DLGAP1: variants seen among roughly 807,000 people sequenced by gnomAD.
DLGAP1 encodes the protein DLG associated protein 1.
Under a neutral mutation model 90.8 loss-of-function variants are expected in DLGAP1, and 11 were observed. The observed-to-expected ratio is 0.12, with a 90% CI of 0.08 to 0.20. DLGAP1 has a LOEUF of 0.20. Among genes scored for constraint, DLGAP1 ranks in the 10% least tolerant of loss-of-function variants. The pLI is 1.00. For synonymous variants in DLGAP1, 558 were observed against 540.7 expected (o/e 1.03, Z -0.44); for missense variants, 1,050 against 1,333.8 (o/e 0.79, Z 3.31).
intron 1 of DLGAP1, among the ~76,000 whole-genome samples, chr18:4,259,958 T>C (rs192808842): frequency 1.3e-5 from 2 of 152,286 alleles, no homozygotes; most frequent in African/African-American, 4.8e-5. Flanking sequence ...TTCTAGTCTA[T>C]AATATGGACC....
At chr18:4,336,121 C>T (rs28688491) in intron 1 of DLGAP1, among the ~76,000 whole-genome samples, 34,634 of 152,150 alleles carry the variant, frequency 0.23, 4,172 homozygotes, top group Middle Eastern at 0.34. Context: ...GTGCACGTGC[C>T]GACAATGCCC....
chr18:4,311,800 C>T (rs1040830867), intron 1 of DLGAP1, among the ~76,000 whole-genome samples: 3 of 152,146 alleles, frequency 2.0e-5, no homozygotes, highest in African/African-American at 7.2e-5. Flanking sequence ...ACTGCAACCT[C>T]CACCTCCCGG....
chr18:3,939,617 G>C (rs1170957045), intron 3 of DLGAP1, among the ~76,000 whole-genome samples: 1 of 152,098 alleles, frequency 6.6e-6, no homozygotes, highest in Non-Finnish European at 1.5e-5. Context: ...ATCTTACAGG[G>C]ATACATATCT....
At chr18:3,673,289 C>A (rs1221196392) in intron 7 of DLGAP1, among the ~76,000 whole-genome samples, 1 of 152,154 alleles carries the variant, frequency 6.6e-6, no homozygotes, top group Non-Finnish European at 1.5e-5. Flanking sequence ...CTACTGCATT[C>A]TTTTAACACT....
chr18:4,073,447 C>T lies in DLGAP1; in HGVS notation c.-158-68246G>A, dbSNP rs191510462. Among the ~76,000 whole-genome samples the T allele has an allele frequency of 1.7e-3, 252 of 152,224 alleles. 1 individual carries two copies. The highest frequency in any genetic ancestry group is 2.6e-3 in the Non-Finnish European group (179 of 68,014). On this transcript the variant is annotated intron_variant, in intron 2 of 12. Transcript: ENST00000315677. ...CAACAGCACGTTCTTCCAGAGAGTA[C>T]ATGAATTCATTTTAATCTTCTGGCT...
chr18:3,960,791 G>T (rs1050591933), intron 3 of DLGAP1, among the ~76,000 whole-genome samples: 1 of 152,212 alleles, frequency 6.6e-6, no homozygotes, highest in Non-Finnish European at 1.5e-5. Flanking sequence ...CTGCTCCCCA[G>T]CCAGGCCCCC....
At chr18:4,341,970 T>C (rs2081199342) in intron 1 of DLGAP1, among the ~76,000 whole-genome samples, 1 of 152,052 alleles carries the variant, frequency 6.6e-6, no homozygotes, top group Admixed American at 6.6e-5. Context: ...AGCAAATTAC[T>C]GAATTCCTTG....
At chr18:4,449,004 C>A (rs1567932997) in intron 1 of DLGAP1, among the ~76,000 whole-genome samples, 1 of 152,186 alleles carries the variant, frequency 6.6e-6, no homozygotes. Flanking sequence ...CACATAGGGG[C>A]CACTGTCTCT....
intron 4 of DLGAP1, among the ~76,000 whole-genome samples, chr18:3,842,705 A>G (rs1340135435): frequency 6.6e-6 from 1 of 152,118 alleles, no homozygotes; most frequent in Non-Finnish European, 1.5e-5. Context: ...AGCGTTAAAA[A>G]AAAGCATAGA....
intron 7 of DLGAP1, among the ~76,000 whole-genome samples, chr18:3,632,429 G>A (rs996624374): frequency 6.6e-6 from 1 of 151,974 alleles, no homozygotes; most frequent in African/African-American, 2.4e-5. Flanking sequence ...AACCTCCGAA[G>A]TAGCTGGGAT....
intron 7 of DLGAP1, among the ~76,000 whole-genome samples, chr18:3,629,755 C>G (rs901702533): frequency 1.3e-5 from 2 of 151,992 alleles, no homozygotes; most frequent in South Asian, 2.1e-4. Flanking sequence ...GTATTGGTAT[C>G]TCACTGTGGA....
At chr18:3,649,979 A>G (rs1372604301) in intron 7 of DLGAP1, among the ~76,000 whole-genome samples, 2 of 152,026 alleles carry the variant, frequency 1.3e-5, no homozygotes, top group Non-Finnish European at 2.9e-5. Flanking sequence ...CCATTTCAGG[A>G]GGGTCCTCGT....
At chr18:4,395,564 A>G (rs962693649) in intron 1 of DLGAP1, among the ~76,000 whole-genome samples, 3 of 152,204 alleles carry the variant, frequency 2.0e-5, no homozygotes, top group Non-Finnish European at 4.4e-5. Context: ...TTCTCTGTAA[A>G]GATTCATTAA....
chr18:3,807,344 T>C (rs954866739), intron 5 of DLGAP1, among the ~76,000 whole-genome samples: 3 of 152,208 alleles, frequency 2.0e-5, no homozygotes, highest in African/African-American at 7.2e-5. Context: ...TAAGTTCAAC[T>C]TTCCGTCCAG....
At chr18:3,591,729 G>A (rs559356832) in intron 7 of DLGAP1, among the ~76,000 whole-genome samples, 1 of 152,114 alleles carries the variant, frequency 6.6e-6, no homozygotes, top group South Asian at 2.1e-4. Context: ...ATAAAAAGAC[G>A]GGGTGTTTCA....
intron 7 of DLGAP1, among the ~76,000 whole-genome samples, chr18:3,697,092 CTTT>C (rs1439701736): frequency 2.6e-5 from 4 of 152,038 alleles, no homozygotes; most frequent in Non-Finnish European, 4.4e-5. Flanking sequence ...TGTCTTTCTT[CTTT>C]ATTAGTCTGG....
chr18:4,432,589 A>ATT (rs2083308891), intron 1 of DLGAP1, among the ~76,000 whole-genome samples: 1 of 111,394 alleles, frequency 9.0e-6, no homozygotes, highest in Non-Finnish European at 2.1e-5. Context: ...CACCTCACAT[A>ATT]GTGTGTGTGT....
At chr18:4,315,253 G>A (rs1204949389) in intron 1 of DLGAP1, among the ~76,000 whole-genome samples, 1 of 152,210 alleles carries the variant, frequency 6.6e-6, no homozygotes, top group Non-Finnish European at 1.5e-5. Context: ...GCTTATAACA[G>A]TGCCTAGCCT....
At chr18:4,002,905 G>A (rs1343994550) in intron 3 of DLGAP1, among the ~76,000 whole-genome samples, 1 of 151,996 alleles carries the variant, frequency 6.6e-6, no homozygotes, top group Non-Finnish European at 1.5e-5. Flanking sequence ...TCCCCTTCCC[G>A]GTCTGTGAAA....
Sources: gnomAD v4.1 joint callset for allele counts (sites outside exome capture counted in the v4.1 genomes callset) on GRCh38, gnomAD v4.1.1 for gene constraint, MANE v1.5 for transcripts, NCBI Gene and HGNC (gene_info 2026-07-23, HGNC 2026-07-21) for gene names.